Variants in ELP2 observed in about 807,000 individuals in gnomAD.
ELP2 encodes the protein elongator acetyltransferase complex subunit 2.
In ELP2, 90 loss-of-function variants were observed where a neutral mutation model predicts 119.2. The ratio of observed to expected loss-of-function variants is 0.75; its 90% CI spans 0.64 to 0.90. ELP2 has a LOEUF of 0.90. Ranked by LOEUF, ELP2 falls within the 40% of genes least tolerant of loss-of-function variation. ELP2 has a pLI of 0.00. For missense variants in ELP2, 921 were observed against 967.8 expected (o/e 0.95, Z 0.64); for synonymous variants, 339 against 331.0 (o/e 1.02, Z -0.26).
Position 36,130,827 on chromosome 18 carries a change from G to C in ELP2, c.138+756G>C, listed in dbSNP as rs575284011. Among the ~76,000 whole-genome samples the C allele has an allele frequency of 2.0e-3, 300 of 152,310 alleles. 1 individual carries two copies. Among genetic ancestry groups the C allele is most frequent in the African/African-American group, 7.0e-3 (292 of 41,578 alleles). ...TTGAAAATTCAAATACAACGCAGGA[G>C]ATGGCTATATGTATTTCTGTTCATA... On this transcript the variant is annotated intron_variant, in intron 1 of 21. Coordinates refer to ENST00000358232, the MANE Select transcript of ELP2 (RefSeq NM_018255.4).
At chr18:36,138,497 A>G (rs1049531887) in intron 4 of ELP2, 71 bp downstream of exon 4, 19 of 1,479,492 alleles carry the variant, frequency 1.3e-5, no homozygotes, top group Non-Finnish European at 1.7e-5. Context: ...GTAGAAGAGC[A>G]TATATATAAT....
intron 21 of ELP2, 70 bp from the exon 22 acceptor site, chr18:36,174,415 T>G (rs693500): frequency 6.7e-7 from 1 of 1,482,304 alleles, no homozygotes; most frequent in Admixed American, 1.9e-5. Flanking sequence ...AATTTTCAGG[T>G]TTTAACTTCC....
Position 36,171,028 on chromosome 18 carries a change from C to G in ELP2, c.2211-19C>G. The G allele has an allele frequency of 6.6e-7, 1 of 1,509,892 alleles. No individual in the cohort carries two copies. The highest frequency in any genetic ancestry group is 1.4e-5 in the African/African-American group (1 of 72,898). 93.5% of individuals were successfully genotyped at this position (1,509,892 alleles called of 1,614,324 possible). A position where few individuals can be genotyped will look rare whatever the true frequency, so the allele number is the denominator to read the frequency against. On this transcript the variant is annotated intron_variant, in intron 20 of 21. Transcript: ENST00000358232. ...TTCATGCTAAGTTAATCACTGTTGT[C>G]CCCCTCCCTTAAAAACAGATACGTG...
At chr18:36,161,037 A>G (rs2090723706) in intron 17 of ELP2, 33 bp downstream of exon 17, 2 of 1,560,930 alleles carry the variant, frequency 1.3e-6, no homozygotes, top group Non-Finnish European at 8.8e-7. Context: ...CTGCTTGGTC[A>G]CAGGTTATTT....
intron 10 of ELP2, 70 bp downstream of exon 10, chr18:36,146,118 A>G (rs993848429): frequency 5.1e-6 from 8 of 1,563,276 alleles, no homozygotes; most frequent in African/African-American, 1.4e-5. Context: ...CCAAGTCTAT[A>G]TTGATAGACC....
At chr18:36,137,783 A>G (rs1418389002) in intron 3 of ELP2, among the ~76,000 whole-genome samples, 1 of 141,120 alleles carries the variant, frequency 7.1e-6, no homozygotes, top group African/African-American at 2.6e-5. Flanking sequence ...TTCAATCCCA[A>G]AGTATACTCA....
chr18:36,159,000 A>ATT, intron 14 of ELP2, 96 bp downstream of exon 14: 1 of 806,166 alleles, frequency 1.2e-6, no homozygotes, highest in Non-Finnish European at 2.1e-6. Context: ...GTTACAGCTG[A>ATT]TTTTTTTTTT....
At chr18:36,160,885 G>C in intron 16 of ELP2, 47 bp from the exon 17 acceptor site, 1 of 1,268,350 alleles carries the variant, frequency 7.9e-7, no homozygotes, top group Non-Finnish European at 1.2e-6. Context: ...TGTGGCATGA[G>C]AATAGATTCA....
chr18:36,146,347 C>G lies in ELP2; in HGVS notation c.1091C>G (p.Ala364Gly). The G allele has an allele frequency of 6.2e-7, 1 of 1,613,958 alleles. No individual in the cohort carries two copies. Among genetic ancestry groups the G allele is most frequent in the South Asian group, 1.1e-5 (1 of 91,084 alleles). ...SMIIAHAFHG[A>G]LHLWKQNTVN... ...ATCATTGCTCATGCTTTCCACGGAGCGTTGCACCTTTGGAAACAGAATACA... is the reference window on the plus strand; with the variant it reads ...ATCATTGCTCATGCTTTCCACGGAGGGTTGCACCTTTGGAAACAGAATACA... Residue 364 changes from alanine (A) to glycine (G), a missense_variant, in exon 11 of 22, where the codon GCG becomes GGG. Transcript: ENST00000358232.
chr18:36,155,158 G>GA (rs1444460542), intron 12 of ELP2, among the ~76,000 whole-genome samples, 159 bp downstream of exon 12: 4 of 151,530 alleles, frequency 2.6e-5, no homozygotes, highest in African/African-American at 9.7e-5. Context: ...GATTATAGGT[G>GA]CCCACCACCA....
rs2091298966 is a variant in ELP2, at chr18:36,179,898, A to G, written c.*5257A>G. On this transcript the variant is annotated 3_prime_UTR_variant, in exon 22 of 22. Transcript: ENST00000358232. ...AGAAACCCAGCTCACACTGGCTGTC[A>G]CTGTGGGCAAGCTGTTCCCCTCATC... is the stretch of plus-strand genomic sequence containing the variant. 2 of 152,212 alleles carry G rather than the reference A, an allele frequency of 1.3e-5. No individual in the cohort carries two copies. The highest frequency in any genetic ancestry group is 4.8e-5 in the African/African-American group (2 of 41,448). 9.4% of individuals were successfully genotyped at this position (152,212 alleles called of 1,614,324 possible). A position where few individuals can be genotyped will look rare whatever the true frequency, so the allele number is the denominator to read the frequency against.
Position 36,160,960 on chromosome 18 carries a change from G to C in ELP2, c.1717G>C (p.Val573Leu). The change falls in exon 17 of 22, where the codon GTT (valine) becomes CTT (leucine). Residue 573 changes from valine (V) to leucine (L), a missense_variant. Coordinates refer to ENST00000358232, the MANE Select transcript of ELP2 (RefSeq NM_018255.4). ...TGGGCACGGTTATGAAATATTTTGTGTTACTTGTAACAGTTCAAAGACTCT... is the reference window on the plus strand; with the variant it reads ...TGGGCACGGTTATGAAATATTTTGTCTTACTTGTAACAGTTCAAAGACTCT... ...LYGHGYEIFC[V>L]TCNSSKTLLA... The C allele has an allele frequency of 6.2e-7, 1 of 1,613,438 alleles. No individual in the cohort carries two copies. Among genetic ancestry groups the C allele is most frequent in the Non-Finnish European group, 8.5e-7 (1 of 1,179,554 alleles).
At chr18:36,148,489 C>T (rs1805817972) in intron 11 of ELP2, among the ~76,000 whole-genome samples, 1 of 152,088 alleles carries the variant, frequency 6.6e-6, no homozygotes, top group South Asian at 2.1e-4. Flanking sequence ...AGTTTTGAGC[C>T]AGGAAGTTTT....
At chr18:36,161,630 G>A (rs1250429815) in intron 17 of ELP2, among the ~76,000 whole-genome samples, 2 of 152,110 alleles carry the variant, frequency 1.3e-5, no homozygotes, top group Non-Finnish European at 2.9e-5. Context: ...AGCAATTGTG[G>A]AGGATTATCC....
intron 3 of ELP2, 171 bp downstream of exon 3, chr18:36,136,548 C>A: frequency 1.6e-6 from 1 of 639,068 alleles, no homozygotes; most frequent in Non-Finnish European, 2.8e-6. Context: ...TGGCTGATTT[C>A]TGTTTGTTTG....
intron 20 of ELP2, chr18:36,170,741 A>T: frequency 2.4e-6 from 1 of 421,664 alleles, no homozygotes; most frequent in Non-Finnish European, 4.3e-6. Flanking sequence ...CACCAAATCT[A>T]GGACTATAAT....
chr18:36,136,893 G>A (rs538599476), intron 3 of ELP2, among the ~76,000 whole-genome samples: 1 of 152,168 alleles, frequency 6.6e-6, no homozygotes, highest in East Asian at 1.9e-4. Flanking sequence ...TCTTCTCAGT[G>A]CTACCCCACA....
Position 36,130,002 on chromosome 18 carries a change from C to T in ELP2, c.69C>T (p.Asn23=). The T allele has an allele frequency of 6.2e-7, 1 of 1,614,216 alleles. No homozygotes were observed. The highest frequency in any genetic ancestry group is 1.1e-5 in the South Asian group (1 of 91,092). The part of the protein sequence containing the change: ...CCPNRVRGVL[N]WSSGPRGLLA... ...CAAACCGGGTGCGGGGAGTCCTGAACTGGAGCTCTGGGCCCAGAGGACTTC... is the reference window on the plus strand; with the variant it reads ...CAAACCGGGTGCGGGGAGTCCTGAATTGGAGCTCTGGGCCCAGAGGACTTC... The change falls in exon 1 of 22, where the codon AAC becomes AAT. Residue 23 remains asparagine, a synonymous_variant. Coordinates refer to ENST00000358232, the MANE Select transcript of ELP2 (RefSeq NM_018255.4).
intron 6 of ELP2, 167 bp downstream of exon 6, chr18:36,141,368 A>G: frequency 1.6e-6 from 1 of 639,800 alleles, no homozygotes; most frequent in Middle Eastern, 2.5e-4. Context: ...TCTACTCTGA[A>G]CACCAAGTAA....
Sources: allele counts gnomAD v4.1 joint callset (sites outside exome capture counted in the v4.1 genomes callset), GRCh38; gene constraint gnomAD v4.1.1; transcripts MANE v1.5; gene names NCBI Gene and HGNC (gene_info 2026-07-23, HGNC 2026-07-21).